Variants in CNOT10 observed in about 807,000 individuals in gnomAD.
CNOT10 encodes CCR4-NOT transcription complex, subunit 10.
CNOT10 carries 30 observed loss-of-function variants against 94.6 expected under a neutral mutation model. The observed-to-expected ratio is 0.32, with a 90% CI of 0.24 to 0.43. The LOEUF is 0.43. Ranked by LOEUF, CNOT10 falls within the 20% of genes least tolerant of loss-of-function variation. The pLI is 1.00. For missense variants in CNOT10, 759 were observed against 877.2 expected, an observed-to-expected ratio of 0.87 and a Z score of 1.70; for synonymous variants, 289 against 301.6, an observed-to-expected ratio of 0.96 and a Z score of 0.43.
At chr3:32,696,231 A>C (rs927493913) in intron 1 of CNOT10, among the ~76,000 whole-genome samples, 1 of 151,744 alleles carries the variant, frequency 6.6e-6, no homozygotes, top group East Asian at 1.9e-4. Context: ...CAGGAGAATC[A>C]CTTGAACCTG....
At chr3:32,745,091 C>A (rs960916708) in intron 13 of CNOT10, among the ~76,000 whole-genome samples, 1 of 152,030 alleles carries the variant, frequency 6.6e-6, no homozygotes, top group Non-Finnish European at 1.5e-5. Flanking sequence ...GTTGGCCAGG[C>A]TGGTATTGAA....
At chr3:32,692,051 C>CAA (rs747328876) in intron 1 of CNOT10, among the ~76,000 whole-genome samples, 7 of 66,490 alleles carry the variant, frequency 1.1e-4, no homozygotes, top group South Asian at 8.7e-4. Flanking sequence ...ACCCTGTCAC[C>CAA]AAAAAAAAAA....
intron 1 of CNOT10, among the ~76,000 whole-genome samples, chr3:32,690,395 T>G (rs993206915): frequency 6.6e-6 from 1 of 152,110 alleles, no homozygotes; most frequent in Non-Finnish European, 1.5e-5. Context: ...TTTGTTTTGT[T>G]TTGTTTTGAG....
chr3:32,704,517 C>G (rs893464412), intron 2 of CNOT10, among the ~76,000 whole-genome samples: 2 of 152,024 alleles, frequency 1.3e-5, no homozygotes, highest in East Asian at 1.9e-4. Context: ...TCTTGACTAG[C>G]CTCAGCCATT....
At chr3:32,747,070 T>C (rs1163574558) in intron 13 of CNOT10, among the ~76,000 whole-genome samples, 1 of 151,806 alleles carries the variant, frequency 6.6e-6, no homozygotes, top group Non-Finnish European at 1.5e-5. Flanking sequence ...TGAGCCGAGA[T>C]TGTGCCACTG....
At chr3:32,718,578 A>G (rs1698231207) in intron 7 of CNOT10, among the ~76,000 whole-genome samples, 1 of 80,062 alleles carries the variant, frequency 1.2e-5, no homozygotes, top group Non-Finnish European at 2.4e-5. Flanking sequence ...AACAAGACTC[A>G]TTCTCAAAAA....
intron 1 of CNOT10, among the ~76,000 whole-genome samples, chr3:32,699,248 G>A (rs536766006): frequency 1.1e-4 from 17 of 152,252 alleles, no homozygotes; most frequent in Middle Eastern, 3.4e-3. Flanking sequence ...TAAAACATGG[G>A]ATTCAGTTGT....
chr3:32,727,431 G>A (rs552213626), intron 9 of CNOT10, among the ~76,000 whole-genome samples: 1 of 152,272 alleles, frequency 6.6e-6, no homozygotes, highest in East Asian at 1.9e-4. Context: ...GTTGCCTGAG[G>A]AGCTGGCAAA....
intron 5 of CNOT10, among the ~76,000 whole-genome samples, chr3:32,714,616 C>G (rs1287295987): frequency 6.6e-6 from 1 of 151,906 alleles, no homozygotes; most frequent in Admixed American, 6.6e-5. Context: ...GGTTGAGGCA[C>G]GAGAATCACT....
chr3:32,695,805 G>A (rs1697024080), intron 1 of CNOT10: 2 of 1,535,556 alleles, frequency 1.3e-6, no homozygotes, highest in Non-Finnish European at 1.7e-6. Flanking sequence ...AAATGCTGTG[G>A]GATTATGTGC....
At chr3:32,700,275 C>T (rs572851878) in intron 1 of CNOT10, among the ~76,000 whole-genome samples, 1 of 152,060 alleles carries the variant, frequency 6.6e-6, no homozygotes, top group Non-Finnish European at 1.5e-5. Context: ...TGCGCCCGGC[C>T]TCAGTTTCTT....
At chr3:32,720,290 C>T (rs1698311657) in intron 8 of CNOT10, 59 bp downstream of exon 8, 3 of 729,768 alleles carry the variant, frequency 4.1e-6, no homozygotes, top group Non-Finnish European at 7.2e-6. Flanking sequence ...CCCCTTCTTG[C>T]TTGTCCACCT....
At chr3:32,711,240 CA>C (rs1452186850) in intron 4 of CNOT10, among the ~76,000 whole-genome samples, 1 of 152,088 alleles carries the variant, frequency 6.6e-6, no homozygotes, top group Non-Finnish European at 1.5e-5. Context: ...CTTCAGATAC[CA>C]AAATCTGCTG....
In CNOT10 at chr3:32,768,551, C is replaced by G. The variant is rs543337846; in HGVS notation, c.2005-1336C>G. On this transcript the variant is annotated intron_variant, in intron 17 of 18. Transcript: ENST00000328834. Reference sequence around the variant, plus strand: ...TGAGCCTAGATCGTGCAATTGCACTCCAGCCTGGGCAACAAGAGCAAAACT... The same window carrying G: ...TGAGCCTAGATCGTGCAATTGCACTGCAGCCTGGGCAACAAGAGCAAAACT... Among the ~76,000 whole-genome samples the G allele has an allele frequency of 2.9e-4, 44 of 150,800 alleles. No homozygotes were observed. The South Asian group carries it at 8.3e-3, about 28-fold the overall frequency.
intron 4 of CNOT10, 23 bp from the exon 5 acceptor site, chr3:32,713,204 T>C (rs1443175130): frequency 6.4e-7 from 1 of 1,557,642 alleles, no homozygotes; most frequent in South Asian, 1.2e-5. Flanking sequence ...TGACTATTCT[T>C]TTCTGTGTTT....
chr3:32,736,919 T>TG (rs1472618986), intron 12 of CNOT10, among the ~76,000 whole-genome samples: 3 of 151,938 alleles, frequency 2.0e-5, no homozygotes, highest in Non-Finnish European at 4.4e-5. Flanking sequence ...GTGGGGGCAG[T>TG]GGGGGAAGAA....
At chr3:32,687,547 G>A (rs1308608261) in intron 1 of CNOT10, among the ~76,000 whole-genome samples, 1 of 142,388 alleles carries the variant, frequency 7.0e-6, no homozygotes, top group Non-Finnish European at 1.5e-5. Flanking sequence ...CGCCTCCCGG[G>A]TTCACGCCAT....
In CNOT10 at chr3:32,746,447, A is replaced by C. The variant is rs527837251; in HGVS notation, c.1595+8957A>C. On this transcript the variant is annotated intron_variant, in intron 13 of 18. Transcript: ENST00000328834. ...TGTTTTCCTACAACTAGATGGTCCC[A>C]TGTGGGGGTGATGGGAGACAGTGAC... 4.6e-5 allele frequency among the ~76,000 whole-genome samples: 7 copies of C among 152,302 alleles called. No homozygotes were observed. In the South Asian group the frequency reaches 1.4e-3, roughly 32 times the overall value.
At chr3:32,764,850 C>A in intron 17 of CNOT10, 41 bp downstream of exon 17, 1 of 1,602,994 alleles carries the variant, frequency 6.2e-7, no homozygotes, top group East Asian at 2.2e-5. Flanking sequence ...GTAAAGCAGC[C>A]AACACAAGTT....
Sources: allele counts gnomAD v4.1 joint callset (sites outside exome capture counted in the v4.1 genomes callset), GRCh38; gene constraint gnomAD v4.1.1; transcripts MANE v1.5; gene names NCBI Gene and HGNC (gene_info 2026-07-23, HGNC 2026-07-21).